ARHGAP9: variants seen among roughly 807,000 people sequenced by gnomAD.
ARHGAP9 encodes Rho GTPase activating protein 9.
A neutral mutation model predicts 87.3 loss-of-function variants in ARHGAP9; 76 were observed. That is an observed-to-expected ratio of 0.87 (90% CI 0.72 to 1.05). ARHGAP9 has a LOEUF of 1.05. Among genes scored for constraint, ARHGAP9 ranks in the 50% least tolerant of loss-of-function variants. The pLI is 0.00. For synonymous variants in ARHGAP9, 382 were observed against 394.9 expected (o/e 0.97, Z 0.39); for missense variants, 941 against 960.5 (o/e 0.98, Z 0.27).
At chr12:57,487,537 C>T (rs532509740) in intron 1 of ARHGAP9, 1 of 152,628 alleles carries the variant, frequency 6.6e-6, no homozygotes, top group South Asian at 2.0e-4. Context: ...AACGTCTCTT[C>T]TGGATCTCCA....
At chr12:57,474,262 C>A in intron 15 of ARHGAP9, 86 bp from the exon 16 acceptor site, 1 of 1,582,254 alleles carries the variant, frequency 6.3e-7, no homozygotes, top group South Asian at 1.1e-5. Flanking sequence ...GAAATCCAGT[C>A]AAAGCAGACT....
rs774153591 is a variant in ARHGAP9, at chr12:57,477,074, A to G, written c.870+82T>C. On this transcript the variant is annotated intron_variant, in intron 5 of 17. Transcript: ENST00000393791. ...TGAGAGGTGGGGGGTGTGGTGGGGA[A>G]TGGAGAATGTCTTACACAAAACAGA... 13 of 1,513,824 alleles carry G rather than the reference A, an allele frequency of 8.6e-6. No homozygotes were observed. The African/African-American group carries it at 1.7e-4, about 19-fold the overall frequency. The allele number at this position is 1,513,824 out of a possible 1,614,324, so 93.8% of individuals were successfully genotyped here. A position where few individuals can be genotyped will look rare whatever the true frequency, so the allele number is the denominator to read the frequency against.
intron 1 of ARHGAP9, chr12:57,488,238 C>T: frequency 1.3e-6 from 2 of 1,569,658 alleles, no homozygotes; most frequent in Non-Finnish European, 8.7e-7. Flanking sequence ...GATGGGGGGG[C>T]GGGACCGAAA....
chr12:57,480,596 C>G (rs936162720), upstream of ARHGAP9, among the ~76,000 whole-genome samples: 2 of 152,062 alleles, frequency 1.3e-5, no homozygotes, highest in Non-Finnish European at 2.9e-5. Flanking sequence ...GAGAGACAGA[C>G]CTTAACTAAT....
At chr12:57,478,351 A>T in intron 3 of ARHGAP9, 189 bp downstream of exon 3, 1 of 635,216 alleles carries the variant, frequency 1.6e-6, no homozygotes, top group South Asian at 2.0e-5. Flanking sequence ...GTGACCTCAC[A>T]GATGTCTCCC....
Position 57,472,440 on chromosome 12 carries a change from A to T in ARHGAP9, c.*77T>A. 1 of 1,490,646 alleles carries T rather than the reference A, an allele frequency of 6.7e-7. No individual in the cohort carries two copies. The highest frequency in any genetic ancestry group is 9.0e-7 in the Non-Finnish European group (1 of 1,110,754). 92.3% of individuals were successfully genotyped at this position (1,490,646 alleles called of 1,614,324 possible). ...ACAGTCATTTGGGAGATTTAAAGGG[A>T]TATCCTCAAAACAGAACACCAGCCT... On this transcript the variant is annotated 3_prime_UTR_variant, in exon 18 of 18. Coordinates refer to ENST00000393791, the MANE Select transcript of ARHGAP9 (RefSeq NM_032496.4).
chr12:57,478,052 G>A, intron 3 of ARHGAP9: 2 of 879,360 alleles, frequency 2.3e-6, no homozygotes, highest in African/African-American at 1.8e-5. Context: ...CAGAAGGGAA[G>A]AGGAGCCCCT....
At position 57,477,182 on chromosome 12, in the gene ARHGAP9, C is replaced by T; in HGVS notation, c.844G>A (p.Gly282Arg). The change falls in exon 5 of 18, where the codon GGG becomes AGG. Residue 282 changes from glycine (G) to arginine (R), a missense_variant. Coordinates refer to ENST00000393791, the MANE Select transcript of ARHGAP9 (RefSeq NM_032496.4). The part of the protein sequence containing the change: ...PQAKGFRSDT[G>R]TPEPLDPQGS... ...TGTGGGTCAAGCGGTTCTGGGGTCCCTGTGTCAGATCTGAAGCCCTTTGCC... is the reference window on the plus strand; with the variant it reads ...TGTGGGTCAAGCGGTTCTGGGGTCCTTGTGTCAGATCTGAAGCCCTTTGCC... 2 of 1,612,878 alleles carry T rather than the reference C, an allele frequency of 1.2e-6. No homozygotes were observed. Among genetic ancestry groups the T allele is most frequent in the Non-Finnish European group, 8.5e-7 (1 of 1,179,350 alleles).
chr12:57,473,821 C>A, intron 16 of ARHGAP9, 113 bp from the exon 17 acceptor site: 1 of 1,203,694 alleles, frequency 8.3e-7, no homozygotes, highest in Admixed American at 2.3e-5. Flanking sequence ...TAATCTAGCA[C>A]AGCTTTCTTT....
Position 57,477,620 on chromosome 12 carries a change from G to A in ARHGAP9, c.595C>T (p.Arg199Cys), listed in dbSNP as rs549709934. Residue 199 changes from arginine (R) to cysteine (C), a missense_variant, in exon 4 of 18, where the codon CGC (arginine) becomes TGC (cysteine). By Grantham distance (180) the Arg-to-Cys change is radical. Coordinates refer to ENST00000393791, the MANE Select transcript of ARHGAP9 (RefSeq NM_032496.4). The stretch of plus-strand genomic sequence containing the variant: ...CCTGGGGGTGGGGACCGAGGACAGC[G>A]GCGAAGGTCCACCAGGTTACAGTAC... The part of the protein sequence containing the change: ...PVYCNLVDLR[R>C]CPRSPPPGPA... 4.0e-5 allele frequency: 64 copies of A among 1,613,258 alleles called. 2 individuals carry two copies. The South Asian group carries it at 4.6e-4, about 12-fold the overall frequency.
intron 13 of ARHGAP9, 57 bp from the exon 14 acceptor site, chr12:57,474,760 G>A: frequency 6.2e-7 from 1 of 1,608,410 alleles, no homozygotes; most frequent in Non-Finnish European, 8.5e-7. Flanking sequence ...GTGTGGTGAG[G>A]GATATAAGGG....
At chr12:57,475,750 C>A in intron 10 of ARHGAP9, 83 bp downstream of exon 10, 5 of 1,556,862 alleles carry the variant, frequency 3.2e-6, no homozygotes, top group Non-Finnish European at 4.4e-6. Flanking sequence ...CTGCCCCCAA[C>A]TGCTCCTGAC....
At chr12:57,481,124 C>T (rs1417714758), upstream of ARHGAP9, among the ~76,000 whole-genome samples, 1 of 152,136 alleles carries the variant, frequency 6.6e-6, no homozygotes, top group Non-Finnish European at 1.5e-5. Context: ...CTCTCCTATA[C>T]TTTAGCTTGT....
chr12:57,476,512 A>G, intron 7 of ARHGAP9, 58 bp from the exon 8 acceptor site: 9 of 1,612,184 alleles, frequency 5.6e-6, no homozygotes, highest in Non-Finnish European at 7.6e-6. Flanking sequence ...GAATGACACG[A>G]GGAGGGTGCT....
Position 57,473,663 on chromosome 12 carries a change from A to G in ARHGAP9, c.1964T>C (p.Ile655Thr), listed in dbSNP as rs147623082. Residue 655 changes from isoleucine (I) to threonine (T), a missense_variant, in exon 17 of 18, where the codon ATA becomes ACA. By Grantham distance (89) the Ile-to-Thr change is moderately conservative. Transcript: ENST00000393791. ...ATGGTTGGGCTTTGGCATTGAGCCT[A>G]TTAATTCTTGTATCTGAGAGAGGCA... is the stretch of plus-strand genomic sequence containing the variant. ...EQCLSQIQELIGSMPKPNHDT... is the reference protein window; with the variant it reads ...EQCLSQIQELTGSMPKPNHDT... 1.2e-6 allele frequency: 2 copies of G among 1,614,050 alleles called. No homozygotes were observed. Among genetic ancestry groups the G allele is most frequent in the African/African-American group, 2.7e-5 (2 of 75,024 alleles).
At chr12:57,482,926 C>T (rs1323163455), upstream of ARHGAP9, among the ~76,000 whole-genome samples, 1 of 150,858 alleles carries the variant, frequency 6.6e-6, no homozygotes, top group East Asian at 1.9e-4. Flanking sequence ...GGTGAAACCC[C>T]CATCTCTAAT....
chr12:57,488,339 C>G (rs934060160), intron 1 of ARHGAP9: 4 of 799,238 alleles, frequency 5.0e-6, no homozygotes, highest in African/African-American at 1.7e-5. Flanking sequence ...CTTGATCACT[C>G]CACGCCTTCT....
chr12:57,476,495 C>T, intron 7 of ARHGAP9, 41 bp from the exon 8 acceptor site: 1 of 1,613,242 alleles, frequency 6.2e-7, no homozygotes. Flanking sequence ...GCGAACAGGT[C>T]ATTCTAGAAT....
At chr12:57,480,749 T>G, upstream of ARHGAP9, 1 of 1,547,698 alleles carries the variant, frequency 6.5e-7, no homozygotes, top group South Asian at 1.2e-5. Flanking sequence ...ACCAGCACTT[T>G]AAAACCCACA....
Sources: allele counts gnomAD v4.1 joint callset (sites outside exome capture counted in the v4.1 genomes callset), GRCh38; gene constraint gnomAD v4.1.1; transcripts MANE v1.5; gene names NCBI Gene and HGNC (gene_info 2026-07-23, HGNC 2026-07-21).